The following TRMT10A variants were observed in gnomAD, a reference collection of about 807,000 sequenced individuals.
TRMT10A encodes tRNA methyltransferase 10A.
TRMT10A carries 37 observed loss-of-function variants against 40.4 expected under a neutral mutation model. The observed-to-expected ratio is 0.92, with a 90% confidence interval of 0.71 to 1.21. TRMT10A has a LOEUF of 1.21. Among genes scored for constraint, TRMT10A ranks in the 50% most tolerant of loss-of-function variants. The pLI, the probability that TRMT10A is intolerant of heterozygous loss-of-function variation, is 0.00. For missense variants in TRMT10A, 388 were observed against 404.3 expected (o/e 0.96, Z 0.35); for synonymous variants, 103 against 134.1 (o/e 0.77, Z 1.60).
At chr4:99,562,164 C>T (rs1487474612) in intron 1 of TRMT10A, among the ~76,000 whole-genome samples, 1 of 144,942 alleles carries the variant, frequency 6.9e-6, no homozygotes, top group East Asian at 2.0e-4. Flanking sequence ...GAGTAAGACT[C>T]CGTCTCCAAA....
chr4:99,552,691 A>C (rs1003255578), intron 6 of TRMT10A, among the ~76,000 whole-genome samples: 1 of 152,182 alleles, frequency 6.6e-6, no homozygotes, highest in Non-Finnish European at 1.5e-5. Flanking sequence ...ATTAAATGAA[A>C]ACTTGAATTG....
intron 4 of TRMT10A, 114 bp from the exon 5 acceptor site, chr4:99,556,334 C>A (rs1384587118): frequency 1.0e-6 from 1 of 989,220 alleles, no homozygotes. Flanking sequence ...TATATTTATT[C>A]TCATTCATCT....
Position 99,547,873 on chromosome 4 carries a change from T to C in TRMT10A, c.*1215A>G, listed in dbSNP as rs1199225332. 1 of 152,114 alleles carries C rather than the reference T, an allele frequency of 6.6e-6. No homozygotes were observed. Among genetic ancestry groups the C allele is most frequent in the Non-Finnish European group, 1.5e-5 (1 of 67,976 alleles). 9.4% of individuals were successfully genotyped at this position (152,114 alleles called of 1,614,324 possible). ...AGCAACTTATTTTACCCAAACTCAA[T>C]GAAGGCTACTGAAATCTTTTAGCTG... On this transcript the variant is annotated 3_prime_UTR_variant, in exon 8 of 8. Transcript: ENST00000394876.
chr4:99,563,018 A>T (rs1348354739), intron 1 of TRMT10A, among the ~76,000 whole-genome samples: 2 of 151,742 alleles, frequency 1.3e-5, no homozygotes, highest in African/African-American at 4.8e-5. Flanking sequence ...ACGGGGTTTC[A>T]CCATGTTGGT....
Position 99,548,207 on chromosome 4 carries a change from A to AT in TRMT10A, c.*880dup, listed in dbSNP as rs1723810899. ...GTGTATTTGATTTATAGAAACAAAC[A>AT]TTAGTATGCATATTCTTAGAGAAGA... On this transcript the variant is annotated 3_prime_UTR_variant, in exon 8 of 8. Transcript: ENST00000394876. 1 of 152,004 alleles carries AT rather than the reference A, an allele frequency of 6.6e-6. No homozygotes were observed. The highest frequency in any genetic ancestry group is 1.5e-5 in the Non-Finnish European group (1 of 67,952). 9.4% of individuals were successfully genotyped at this position (152,004 alleles called of 1,614,324 possible).
intron 1 of TRMT10A, among the ~76,000 whole-genome samples, chr4:99,561,562 T>A (rs1330275763): frequency 1.3e-5 from 2 of 152,344 alleles, no homozygotes; most frequent in Admixed American, 1.3e-4. Flanking sequence ...ACAAAAATGA[T>A]GCTAACCTGA....
At chr4:99,560,146 A>T (rs1724331575) in intron 1 of TRMT10A, among the ~76,000 whole-genome samples, 1 of 152,172 alleles carries the variant, frequency 6.6e-6, no homozygotes, top group African/African-American at 2.4e-5. Flanking sequence ...TCAATAACCA[A>T]GAAATAAATT....
intron 5 of TRMT10A, among the ~76,000 whole-genome samples, chr4:99,554,722 C>CAAAAAAAAAAA (rs532448105): frequency 1.1e-5 from 1 of 90,876 alleles, no homozygotes; most frequent in African/African-American, 4.2e-5. Flanking sequence ...GACTACGTTT[C>CAAAAAAAAAAA]AAAAAAAAAA....
intron 1 of TRMT10A, among the ~76,000 whole-genome samples, chr4:99,562,717 G>A (rs918881729): frequency 1.3e-5 from 2 of 151,870 alleles, no homozygotes; most frequent in Non-Finnish European, 2.9e-5. Context: ...AGTAGAGACG[G>A]GGTTTCACCA....
chr4:99,557,299 A>C (rs1262480955), intron 4 of TRMT10A, 46 bp downstream of exon 4: 4 of 1,548,272 alleles, frequency 2.6e-6, no homozygotes, highest in East Asian at 4.5e-5. Context: ...TTGCCACAAA[A>C]GACATAAAAG....
At position 99,555,349 on chromosome 4, in the gene TRMT10A, A is replaced by G. The variant is rs540521080; in HGVS notation, c.495+797T>C. The stretch of plus-strand genomic sequence containing the variant: ...TGTCACTGAGAGAACTGACTTTGAG[A>G]AAGAAAAAAGGTATAGGGATAACCC... On this transcript the variant is annotated intron_variant, in intron 5 of 7. Transcript: ENST00000394876. Among the ~76,000 whole-genome samples the G allele has an allele frequency of 7.9e-5, 12 of 152,270 alleles. 1 individual carries two copies. In the South Asian group the frequency reaches 2.3e-3, roughly 29 times the overall value.
chr4:99,562,283 G>C (rs1296941538), intron 1 of TRMT10A, among the ~76,000 whole-genome samples: 1 of 150,410 alleles, frequency 6.6e-6, no homozygotes, highest in African/African-American at 2.4e-5. Flanking sequence ...CGCAGACATA[G>C]GTTATTAAGT....
intron 4 of TRMT10A, among the ~76,000 whole-genome samples, 180 bp downstream of exon 4, chr4:99,557,165 T>C (rs1268269836): frequency 6.6e-6 from 1 of 152,100 alleles, no homozygotes; most frequent in Non-Finnish European, 1.5e-5. Context: ...GTGTCTAAGA[T>C]AACATATTAA....
chr4:99,563,744 TCGACG>T lies in TRMT10A; in HGVS notation c.-24+164_-24+168del. The T allele has an allele frequency of 1.7e-5, 7 of 416,006 alleles. No individual in the cohort carries two copies. The East Asian group carries it at 3.1e-4, about 19-fold the overall frequency. 25.8% of individuals were successfully genotyped at this position (416,006 alleles called of 1,614,324 possible). ...GGTAGGCCGCGGGGGGCGCCTGTCA[TCGACG>T]TCATTTCCTTCAGCAAGAGCGCCGC... is the stretch of plus-strand genomic sequence containing the variant. On this transcript the variant is annotated intron_variant, in intron 1 of 7. Coordinates refer to ENST00000394876, the MANE Select transcript of TRMT10A (RefSeq NM_001134665.3).
chr4:99,558,920 A>G (rs1724271120), intron 2 of TRMT10A, among the ~76,000 whole-genome samples: 1 of 152,174 alleles, frequency 6.6e-6, no homozygotes, highest in African/African-American at 2.4e-5. Context: ...CAGTGCTAAA[A>G]GAAACCCAAA....
rs980777089 is a variant in TRMT10A, at chr4:99,564,023, G to T, written c.-134C>A. Reference sequence around the variant, plus strand: ...AGAAACTTCAATTCCCAGAGGCAGGGGCGGTAGTTACGCAGTGGAGGCTAC... The same window carrying T: ...AGAAACTTCAATTCCCAGAGGCAGGTGCGGTAGTTACGCAGTGGAGGCTAC... On this transcript the variant is annotated 5_prime_UTR_variant, in exon 1 of 8. Coordinates refer to ENST00000394876, the MANE Select transcript of TRMT10A (RefSeq NM_001134665.3). 2.7e-6 allele frequency: 4 copies of T among 1,508,522 alleles called. No homozygotes were observed. The South Asian group carries it at 4.8e-5, about 18-fold the overall frequency. 93.4% of individuals were successfully genotyped at this position (1,508,522 alleles called of 1,614,324 possible).
In TRMT10A at chr4:99,559,170, G is replaced by T; in HGVS notation, c.169C>A (p.Gln57Lys). The T allele has an allele frequency of 6.2e-7, 1 of 1,612,170 alleles. No homozygotes were observed. Among genetic ancestry groups the T allele is most frequent in the Non-Finnish European group, 8.5e-7 (1 of 1,178,868 alleles). Residue 57 changes from glutamine (Q) to lysine (K), a missense_variant, in exon 2 of 8, where the codon CAA becomes AAA. Transcript: ENST00000394876. ...AACACATACTTGCGGAGTTCCCGTT[G>T]CTCTTCCCATTGTTTCTGTTTTATT... ...KLIKQKQWEE[Q>K]RELRKQKRKE...
At chr4:99,560,637 G>A (rs1724351252) in intron 1 of TRMT10A, among the ~76,000 whole-genome samples, 1 of 151,976 alleles carries the variant, frequency 6.6e-6, no homozygotes, top group Admixed American at 6.6e-5. Context: ...AACTGGAGGT[G>A]GGGAAACTGA....
intron 1 of TRMT10A, 26 bp downstream of exon 1, chr4:99,563,887 G>C: frequency 1.4e-6 from 1 of 714,500 alleles, no homozygotes; most frequent in South Asian, 1.5e-5. Flanking sequence ...GTGCGGGGGA[G>C]CGCCAACCAG....
Sources: allele counts gnomAD v4.1 joint callset (sites outside exome capture counted in the v4.1 genomes callset), GRCh38; gene constraint gnomAD v4.1.1; transcripts MANE v1.5; gene names NCBI Gene and HGNC (gene_info 2026-07-23, HGNC 2026-07-21).